Variants in PCDHA1 observed in about 807,000 individuals in gnomAD.
PCDHA1 encodes the protein protocadherin alpha-1.
A neutral mutation model predicts 61.3 loss-of-function variants in PCDHA1; 42 were observed. That is an observed-to-expected ratio of 0.69 (90% CI 0.54 to 0.89). PCDHA1 has a LOEUF of 0.89. Among genes scored for constraint, PCDHA1 ranks in the 40% least tolerant of loss-of-function variants. PCDHA1 has a pLI of 0.00. For synonymous variants in PCDHA1, 610 were observed against 553.8 expected, an observed-to-expected ratio of 1.10 and a Z score of -1.43; for missense variants, 1,256 against 1,235.3, an observed-to-expected ratio of 1.02 and a Z score of -0.25.
At chr5:140,937,786 T>C (rs246073) in intron 1 of PCDHA1, among the ~76,000 whole-genome samples, 52,378 of 148,788 alleles carry the variant, frequency 0.35, 9,253 homozygotes, top group East Asian at 0.54. Flanking sequence ...GTGGCGGGCG[T>C]ATGTAGTCCC....
chr5:140,843,527 A>G (rs1554140180), intron 1 of PCDHA1: 2 of 1,595,944 alleles, frequency 1.3e-6, no homozygotes, highest in East Asian at 4.5e-5. Context: ...CCGGGCGGGC[A>G]AGCCCACTCT....
intron 1 of PCDHA1, among the ~76,000 whole-genome samples, chr5:140,898,035 T>G (rs1227571900): frequency 5.9e-5 from 9 of 152,120 alleles, no homozygotes; most frequent in African/African-American, 2.2e-4. Context: ...TTGATGGGGT[T>G]GTTTGTTTTT....
intron 1 of PCDHA1, among the ~76,000 whole-genome samples, chr5:140,890,049 G>T (rs1488374417): frequency 1.3e-5 from 2 of 152,158 alleles, no homozygotes; most frequent in Non-Finnish European, 2.9e-5. Flanking sequence ...GTGTGTTGGA[G>T]CTGGCTCTTT....
At chr5:140,923,714 A>G (rs1396629400) in intron 1 of PCDHA1, among the ~76,000 whole-genome samples, 7 of 152,250 alleles carry the variant, frequency 4.6e-5, no homozygotes, top group African/African-American at 1.4e-4. Context: ...TACTTGAATA[A>G]GAATGCAATG....
At chr5:140,884,833 C>G in intron 1 of PCDHA1, 1 of 916,634 alleles carries the variant, frequency 1.1e-6, no homozygotes, top group Non-Finnish European at 1.5e-6. Context: ...GTTGGATTAT[C>G]CTTCAGAGTG....
intron 1 of PCDHA1, chr5:140,876,130 C>T: frequency 6.2e-7 from 1 of 1,613,938 alleles, no homozygotes; most frequent in Non-Finnish European, 8.5e-7. Context: ...TGGCGGTAAA[C>T]CAGAACTAAC....
chr5:140,972,056 G>A (rs995898254), intron 1 of PCDHA1, among the ~76,000 whole-genome samples: 8 of 152,106 alleles, frequency 5.3e-5, no homozygotes, highest in Non-Finnish European at 1.2e-4. Flanking sequence ...TCACCTAGTC[G>A]TATATATTAA....
intron 1 of PCDHA1, chr5:140,927,172 G>T: frequency 1.2e-6 from 2 of 1,614,152 alleles, no homozygotes; most frequent in Non-Finnish European, 1.7e-6. Flanking sequence ...AGCTGCCTGC[G>T]TCTTGACCTA....
chr5:140,798,484 G>C (rs1554120685), intron 1 of PCDHA1, among the ~76,000 whole-genome samples: 1 of 152,122 alleles, frequency 6.6e-6, no homozygotes, highest in East Asian at 1.9e-4. Context: ...CATTTAAGTG[G>C]AGACTACCCA....
At chr5:140,807,145 T>A (rs782616885) in intron 1 of PCDHA1, 4 of 1,574,718 alleles carry the variant, frequency 2.5e-6, no homozygotes, top group Non-Finnish European at 8.6e-7. Context: ...CCCTTGACTT[T>A]GAGAAACGAT....
intron 1 of PCDHA1, chr5:140,835,174 C>T (rs1773498411): frequency 1.3e-6 from 2 of 1,503,684 alleles, no homozygotes; most frequent in Non-Finnish European, 1.8e-6. Context: ...GTGATTCACC[C>T]CAATGCCTCA....
intron 1 of PCDHA1, among the ~76,000 whole-genome samples, chr5:140,904,904 C>T (rs1463349424): frequency 6.6e-6 from 1 of 151,948 alleles, no homozygotes; most frequent in East Asian, 1.9e-4. Context: ...GTTTTTCTTA[C>T]TGATTTGTTT....
At position 140,788,417 on chromosome 5, in the gene PCDHA1, C is replaced by G. The variant is rs1554118244; in HGVS notation, c.2127C>G (p.Ser709Arg). The G allele has an allele frequency of 2.5e-6, 4 of 1,613,996 alleles. No homozygotes were observed. Among genetic ancestry groups the G allele is most frequent in the African/African-American group, 1.3e-5 (1 of 74,944 alleles). Reference protein sequence around the residue: ...YLIIAICAVSSLLVLTLLLYT... With the variant: ...YLIIAICAVSRLLVLTLLLYT... ...TCATCGCCATCTGCGCGGTGTCCAGCCTGCTGGTGCTCACACTGCTGCTGT... is the reference window on the plus strand; with the variant it reads ...TCATCGCCATCTGCGCGGTGTCCAGGCTGCTGGTGCTCACACTGCTGCTGT... Residue 709 changes from serine (S) to arginine (R), a missense_variant, in exon 1 of 4, where the codon AGC becomes AGG. By Grantham distance (110) the Ser-to-Arg change is moderately radical. Coordinates refer to ENST00000504120, the MANE Select transcript of PCDHA1 (RefSeq NM_018900.4).
At chr5:140,874,326 GT>G (rs150189539) in intron 1 of PCDHA1, among the ~76,000 whole-genome samples, 3,860 of 152,194 alleles carry the variant, frequency 0.025, 154 homozygotes, top group African/African-American at 0.088. Flanking sequence ...GATCTTATCT[GT>G]TTTTTTCTCT....
At chr5:141,005,228 C>G (rs974482410) in intron 3 of PCDHA1, among the ~76,000 whole-genome samples, 11 of 152,182 alleles carry the variant, frequency 7.2e-5, no homozygotes, top group Admixed American at 2.0e-4. Flanking sequence ...TACTAAACAC[C>G]TGTTATGGGC....
chr5:140,919,648 G>A (rs1482168238), intron 1 of PCDHA1, among the ~76,000 whole-genome samples: 7 of 151,936 alleles, frequency 4.6e-5, no homozygotes, highest in Non-Finnish European at 7.4e-5. Flanking sequence ...TTTCTCTAGA[G>A]TTTACCATAT....
chr5:140,836,793 T>C, intron 1 of PCDHA1: 8 of 1,403,902 alleles, frequency 5.7e-6, no homozygotes, highest in Non-Finnish European at 7.8e-6. Flanking sequence ...GTTCAATTGG[T>C]CTCCTTAAAT....
At chr5:140,918,111 C>A (rs1035723043) in intron 1 of PCDHA1, among the ~76,000 whole-genome samples, 1 of 152,016 alleles carries the variant, frequency 6.6e-6, no homozygotes, top group Admixed American at 6.6e-5. Flanking sequence ...CTTTCACATC[C>A]TTGATTAGCC....
chr5:140,996,553 A>G lies in PCDHA1; in HGVS notation c.2543-13074A>G, dbSNP rs868960335. 1.1e-4 allele frequency among the ~76,000 whole-genome samples: 16 copies of G among 152,172 alleles called. No individual in the cohort carries two copies. In the South Asian group the frequency reaches 2.7e-3, roughly 26 times the overall value. On this transcript the variant is annotated intron_variant, in intron 3 of 3. Transcript: ENST00000504120. The stretch of plus-strand genomic sequence containing the variant: ...TGTGTTTTGATATTATGCTGTCACT[A>G]TCTTGAAGTTCTTGATAATTTGTTA...
Sources: gnomAD v4.1 joint callset for allele counts (sites outside exome capture counted in the v4.1 genomes callset) on GRCh38, gnomAD v4.1.1 for gene constraint, MANE v1.5 for transcripts, NCBI Gene and HGNC (gene_info 2026-07-23, HGNC 2026-07-21) for gene names.